MYLK: variants seen among roughly 807,000 people sequenced by gnomAD.
The protein encoded by MYLK is myosin light chain kinase.
MYLK carries 106 observed loss-of-function variants against 203.4 expected under a neutral mutation model. The ratio of observed to expected loss-of-function variants is 0.52; its 90% confidence interval spans 0.45 to 0.61. MYLK has a LOEUF of 0.61. Among genes scored for constraint, MYLK ranks in the 20% least tolerant of loss-of-function variants. The pLI, the probability that MYLK is intolerant of heterozygous loss-of-function variation, is 0.00. For synonymous variants in MYLK, 867 were observed against 959.5 expected (o/e 0.90, Z 1.78); for missense variants, 2,072 against 2,442.3 (o/e 0.85, Z 3.20).
Position 123,629,015 on chromosome 3 carries a change from A to T in MYLK, c.5114+459T>A, listed in dbSNP as rs2058291215. 6.6e-6 allele frequency among the ~76,000 whole-genome samples: 1 copy of T among 152,176 alleles called. No individual in the cohort carries two copies. Among genetic ancestry groups the T allele is most frequent in the Non-Finnish European group, 1.5e-5 (1 of 68,024 alleles). On this transcript the variant is annotated intron_variant, in intron 30 of 33. Coordinates refer to ENST00000360304, the MANE Select transcript of MYLK (RefSeq NM_053025.4). This position sits in a 1 kb window ranked among gnomAD's most constrained non-coding sequence, Gnocchi z 4.4. The stretch of plus-strand genomic sequence containing the variant: ...AAAAAAACACTAAGCCAGAATAATA[A>T]TAATAATCTGGGGATATGATCGGGA...
chr3:123,616,438 A>G (rs1473245288), intron 33 of MYLK: 1 of 152,236 alleles, frequency 6.6e-6, no homozygotes, highest in Non-Finnish European at 1.5e-5. Context: ...GCAGGTACAT[A>G]GTATATACAT....
intron 16 of MYLK, among the ~76,000 whole-genome samples, chr3:123,705,409 C>T (rs1276471036): frequency 6.6e-6 from 1 of 152,184 alleles, no homozygotes; most frequent in Non-Finnish European, 1.5e-5. Flanking sequence ...CTTCCAGTTC[C>T]CTGTGCACTT....
At chr3:123,686,701 GA>G (rs1560072231) in intron 19 of MYLK, among the ~76,000 whole-genome samples, 2 of 152,176 alleles carry the variant, frequency 1.3e-5, no homozygotes, top group African/African-American at 2.4e-5. Flanking sequence ...AAGGAAAACC[GA>G]AATAACATCA....
intron 4 of MYLK, among the ~76,000 whole-genome samples, chr3:123,754,468 A>G (rs1244214323): frequency 1.3e-5 from 2 of 152,234 alleles, no homozygotes; most frequent in Non-Finnish European, 2.9e-5. Flanking sequence ...ACAGAGATTG[A>G]GTACTTTGGA....
At chr3:123,812,586 T>A (rs2065597542) in intron 3 of MYLK, among the ~76,000 whole-genome samples, 1 of 152,190 alleles carries the variant, frequency 6.6e-6, no homozygotes, top group Admixed American at 6.5e-5. Flanking sequence ...CTTGCTTAAG[T>A]CCAGGAAAAG....
rs1029460384 is a variant in MYLK at position 123,761,702 on chromosome 3, G to C, written c.166-9164C>G. 3.3e-5 allele frequency among the ~76,000 whole-genome samples: 5 copies of C among 152,114 alleles called. No individual in the cohort carries two copies. In the South Asian group the frequency reaches 6.2e-4, roughly 19 times the overall value. On this transcript the variant is annotated intron_variant, in intron 4 of 33. Coordinates refer to ENST00000360304, the MANE Select transcript of MYLK (RefSeq NM_053025.4). ...AATGTCAGTGTCTGACTGGCCATTA[G>C]GCTAAAAAAACCCAGATCTTTATTA...
At chr3:123,876,356 G>A (rs1442044781) in intron 2 of MYLK, among the ~76,000 whole-genome samples, 2 of 151,926 alleles carry the variant, frequency 1.3e-5, no homozygotes, top group Non-Finnish European at 2.9e-5. Flanking sequence ...AGTTCAGAAG[G>A]ATCTTTATAT....
At chr3:123,841,756 C>A (rs750917770) in intron 2 of MYLK, among the ~76,000 whole-genome samples, 8 of 152,244 alleles carry the variant, frequency 5.3e-5, no homozygotes, top group Middle Eastern at 3.4e-3. Flanking sequence ...TTTTATACAC[C>A]ACCTACAAGG....
chr3:123,648,869 C>G lies in MYLK; in HGVS notation c.4415+102G>C, dbSNP rs1262182. ...CAGGACTCTCAGTCTGGGGAGGAGG[C>G]AGGCCCCAGGGAGCAACAGGAAGCT... is the stretch of plus-strand genomic sequence containing the variant. On this transcript the variant is annotated intron_variant, in intron 26 of 33. Transcript: ENST00000360304. The surrounding 1 kb of genome is among the most constrained non-coding windows in gnomAD (Gnocchi z 4.5). 0.032 allele frequency: 31,354 copies of G among 967,128 alleles called. 657 individuals are homozygous for G. The highest frequency in any genetic ancestry group is 0.067 in the Middle Eastern group (234 of 3,504). 59.9% of individuals were successfully genotyped at this position (967,128 alleles called of 1,614,324 possible). A position where few individuals can be genotyped will look rare whatever the true frequency, so the allele number is the denominator to read the frequency against.
At chr3:123,862,224 C>T (rs563768001) in intron 2 of MYLK, among the ~76,000 whole-genome samples, 2 of 152,346 alleles carry the variant, frequency 1.3e-5, no homozygotes, top group South Asian at 2.1e-4. Context: ...TATGCAGTTA[C>T]ACAATTTAAA....
At chr3:123,631,199 G>A (rs2058404510) in intron 29 of MYLK, among the ~76,000 whole-genome samples, 1 of 151,944 alleles carries the variant, frequency 6.6e-6, no homozygotes, top group African/African-American at 2.4e-5. Context: ...GGAGTTTGAG[G>A]CTAGCCTGGC....
Position 123,700,574 on chromosome 3 carries a change from G to C in MYLK, c.2894C>G (p.Thr965Ser). The C allele has an allele frequency of 6.2e-7, 1 of 1,613,750 alleles. No homozygotes were observed. The highest frequency in any genetic ancestry group is 8.5e-7 in the Non-Finnish European group (1 of 1,179,944). The change falls in exon 18 of 34, where the codon ACC becomes AGC. Residue 965 changes from threonine to serine, a missense_variant. This residue lies in a region of MYLK where 865 missense variants were observed against 1,016.0 expected (regional missense o/e 0.85). Transcript: ENST00000360304. The part of the protein sequence containing the change: ...SVLAKKGTSK[T>S]PVPEKVPPPK... ...CGGTGGCACCTTCTCAGGCACGGGG[G>C]TCTTGGAAGTCCCCTTCTTGGCCAG...
chr3:123,734,012 C>T lies in MYLK; in HGVS notation c.984G>A (p.Ser328=), dbSNP rs115018449. 798 of 1,614,172 alleles carry T rather than the reference C, an allele frequency of 4.9e-4. 4 individuals carry two copies. In the African/African-American group the frequency reaches 9.5e-3, roughly 19 times the overall value. ...RESKLESCKD[S]PRTAPQTPVL... ...CCGGGGTCTGCGGGGCCGTTCTGGG[C>T]GAGTCCTTGCATGACTCCAGCTTGG... The change falls in exon 10 of 34, where the codon TCG becomes TCA. Residue 328 remains serine (S), a synonymous_variant. Coordinates refer to ENST00000360304, the MANE Select transcript of MYLK (RefSeq NM_053025.4).
chr3:123,880,454 C>T lies in MYLK; in HGVS notation c.-186+3752G>A, dbSNP rs568026257. 1.4e-4 allele frequency among the ~76,000 whole-genome samples: 21 copies of T among 152,162 alleles called. No homozygotes were observed. In the South Asian group the frequency reaches 3.3e-3, roughly 24 times the overall value. ...TTAACAAATTAGCATCAGATCTGAG[C>T]GCCCAGAGCCAAGGGAAAAAAAATC... On this transcript the variant is annotated intron_variant, in intron 1 of 33. Transcript: ENST00000360304.
In MYLK at chr3:123,760,188, G is replaced by GTATT. The variant is rs569145119; in HGVS notation, c.166-7654_166-7651dup. The stretch of plus-strand genomic sequence containing the variant: ...AGTATGTATGTATGTATGTATGTAT[G>GTATT]TATTTATGAGACAGAGTCTTGCTCT... On this transcript the variant is annotated intron_variant, in intron 4 of 33. Coordinates refer to ENST00000360304, the MANE Select transcript of MYLK (RefSeq NM_053025.4). 2.6e-4 allele frequency among the ~76,000 whole-genome samples: 39 copies of GTATT among 152,198 alleles called. 2 individuals carry two copies. The South Asian group carries it at 7.9e-3, about 31-fold the overall frequency.
intron 11 of MYLK, among the ~76,000 whole-genome samples, chr3:123,728,622 C>A (rs1232524016): frequency 6.6e-6 from 1 of 152,128 alleles, no homozygotes; most frequent in African/African-American, 2.4e-5. Context: ...TAAAACATAG[C>A]TGAATCTTGG....
intron 20 of MYLK, among the ~76,000 whole-genome samples, chr3:123,667,671 C>A (rs1313148079): frequency 6.6e-6 from 1 of 151,864 alleles, no homozygotes; most frequent in South Asian, 2.1e-4. Context: ...CCCTTTCACA[C>A]AGACAACCTC....
intron 13 of MYLK, among the ~76,000 whole-genome samples, chr3:123,719,938 G>A (rs1268666972): frequency 6.6e-6 from 1 of 152,230 alleles, no homozygotes; most frequent in Non-Finnish European, 1.5e-5. Context: ...AGCCTCCTGA[G>A]TGTCTCAGGG....
intron 2 of MYLK, among the ~76,000 whole-genome samples, chr3:123,850,016 A>T (rs1175260222): frequency 6.6e-6 from 1 of 152,164 alleles, no homozygotes; most frequent in African/African-American, 2.4e-5. Flanking sequence ...TCCTTGCGAT[A>T]GTTTGCTGAG....
Sources: gnomAD v4.1 joint callset for allele counts (sites outside exome capture counted in the v4.1 genomes callset) on GRCh38, gnomAD v4.1.1 for gene constraint, gnomAD v4.1.1 regional missense constraint, Gnocchi (gnomAD v3.1) non-coding constraint, MANE v1.5 for transcripts, NCBI Gene and HGNC (gene_info 2026-07-23, HGNC 2026-07-21) for gene names.